The following PTPN21 variants were observed in gnomAD, a reference collection of about 807,000 sequenced individuals.
PTPN21 encodes tyrosine-protein phosphatase non-receptor type 21.
Under a neutral mutation model 131.8 loss-of-function variants are expected in PTPN21, and 77 were observed. The observed-to-expected ratio is 0.58, with a 90% CI of 0.49 to 0.71. The LOEUF (loss-of-function observed/expected upper bound fraction) is 0.71. Ranked by LOEUF, PTPN21 falls within the 30% of genes least tolerant of loss-of-function variation. The pLI is 0.00. For synonymous variants in PTPN21, 715 were observed against 621.3 expected (o/e 1.15, Z -2.24); for missense variants, 1,552 against 1,527.1 (o/e 1.02, Z -0.27).
intron 2 of PTPN21, among the ~76,000 whole-genome samples, chr14:88,521,386 T>C (rs1240689110): frequency 2.0e-5 from 3 of 152,026 alleles, no homozygotes; most frequent in South Asian, 2.1e-4. Context: ...CTAAAACTGT[T>C]TTGGTAAGTT....
chr14:88,487,923 G>A (rs901855633), intron 10 of PTPN21, among the ~76,000 whole-genome samples: 7 of 139,054 alleles, frequency 5.0e-5, no homozygotes, highest in Admixed American at 3.1e-4. Context: ...CCGAGATCAC[G>A]CCACTGCACT....
intron 10 of PTPN21, chr14:88,493,090 A>G (rs2077849059): frequency 2.2e-6 from 1 of 456,524 alleles, no homozygotes; most frequent in Non-Finnish European, 4.4e-6. Flanking sequence ...AGGGCAAGAC[A>G]TTTCACTTCT....
chr14:88,517,866 T>C (rs544629197), intron 2 of PTPN21, among the ~76,000 whole-genome samples: 161 of 147,210 alleles, frequency 1.1e-3, no homozygotes, highest in Middle Eastern at 7.3e-3. Context: ...TATATGTGTA[T>C]ATGTGTATAT....
intron 1 of PTPN21, among the ~76,000 whole-genome samples, chr14:88,550,919 C>G (rs1308425468): frequency 6.6e-6 from 1 of 152,140 alleles, no homozygotes; most frequent in African/African-American, 2.4e-5. Flanking sequence ...TAATTGTGAT[C>G]CTCTTCCTAT....
chr14:88,529,196 G>A (rs950740952), intron 2 of PTPN21, among the ~76,000 whole-genome samples: 2 of 152,096 alleles, frequency 1.3e-5, no homozygotes, highest in Admixed American at 6.6e-5. Flanking sequence ...AGGAATGCTG[G>A]ATTTTGTTAA....
In PTPN21 at chr14:88,480,019, G is replaced by A. The variant is rs1468226640; in HGVS notation, c.1412C>T (p.Ser471Leu). ...GCTGCCGATGTTGAGGTTTCGCAGC[G>A]AGTGGCTCTGCCGTTCCGCATGCAC... ...GLVHAERQSH[S>L]LRNLNIGSSY... The change falls in exon 13 of 19, where the codon TCG (serine) becomes TTG (leucine). Residue 471 changes from serine to leucine, a missense_variant. Physicochemically the swap from Ser to Leu is moderately radical, Grantham distance 145. Transcript: ENST00000556564. 6.2e-7 allele frequency: 1 copy of A among 1,613,616 alleles called. No individual in the cohort carries two copies. The highest frequency in any genetic ancestry group is 8.5e-7 in the Non-Finnish European group (1 of 1,180,030).
chr14:88,516,590 T>A (rs1488911355), intron 3 of PTPN21, among the ~76,000 whole-genome samples: 4 of 152,134 alleles, frequency 2.6e-5, no homozygotes, highest in African/African-American at 9.7e-5. Context: ...CTTTTGTCCC[T>A]ATTAAGTGCA....
chr14:88,550,503 C>CCT lies in PTPN21; in HGVS notation c.-88_-87dup. On this transcript the variant is annotated 5_prime_UTR_variant, in exon 2 of 19. Transcript: ENST00000556564. ...GCTGGTGACGCCAGGAGAAAGCGATCCTCTCCGGATGGGACGAACACTGTC... is the reference window on the plus strand; with the variant it reads ...GCTGGTGACGCCAGGAGAAAGCGATCCTCTCTCCGGATGGGACGAACACTGTC... 3 of 1,332,676 alleles carry CCT rather than the reference C, an allele frequency of 2.3e-6. No individual in the cohort carries two copies. The highest frequency in any genetic ancestry group is 2.1e-6 in the Non-Finnish European group (2 of 963,702). The allele number at this position is 1,332,676 out of a possible 1,614,324, so 82.6% of individuals were successfully genotyped here. A position where few individuals can be genotyped will look rare whatever the true frequency, so the allele number is the denominator to read the frequency against.
intron 13 of PTPN21, among the ~76,000 whole-genome samples, chr14:88,476,989 T>C (rs1476575824): frequency 1.3e-5 from 2 of 152,172 alleles, no homozygotes; most frequent in Non-Finnish European, 2.9e-5. Context: ...TGTACTCAGA[T>C]AGCATTTGGG....
Position 88,501,981 on chromosome 14 carries a change from A to C in PTPN21, c.588-613T>G, listed in dbSNP as rs565585171. 1.1e-3 allele frequency among the ~76,000 whole-genome samples: 174 copies of C among 152,254 alleles called. 4 individuals are homozygous for C. Among genetic ancestry groups the C allele is most frequent in the African/African-American group, 3.9e-3 (164 of 41,552 alleles). On this transcript the variant is annotated intron_variant, in intron 6 of 18. Coordinates refer to ENST00000556564, the MANE Select transcript of PTPN21 (RefSeq NM_007039.4). ...GTCTGGGCAACAAAAAAACAAAAAA[A>C]AACAAAAATAAAAACAACAAAATAT...
chr14:88,537,176 AATT>A, intron 2 of PTPN21, among the ~76,000 whole-genome samples: 1 of 152,306 alleles, frequency 6.6e-6, no homozygotes, highest in Non-Finnish European at 1.5e-5. Flanking sequence ...TGACCTTCTA[AATT>A]ATTCTGAAAT....
chr14:88,496,158 T>C (rs2077911727), intron 10 of PTPN21, among the ~76,000 whole-genome samples: 1 of 152,206 alleles, frequency 6.6e-6, no homozygotes, highest in Non-Finnish European at 1.5e-5. Flanking sequence ...AGAGGATTGA[T>C]TTAAACAAAT....
At chr14:88,505,114 T>C (rs1056681180) in intron 5 of PTPN21, among the ~76,000 whole-genome samples, 190 bp downstream of exon 5, 2 of 152,180 alleles carry the variant, frequency 1.3e-5, no homozygotes, top group African/African-American at 4.8e-5. Context: ...TCAGTTTCTG[T>C]GGGTTCACAA....
intron 6 of PTPN21, among the ~76,000 whole-genome samples, chr14:88,501,921 G>A (rs59136503): frequency 0.23 from 34,506 of 151,708 alleles, 4,098 homozygotes; most frequent in East Asian, 0.32. Flanking sequence ...GGAGTTCAAG[G>A]ATGCAGTGAG....
chr14:88,518,651 G>A (rs1316582096), intron 2 of PTPN21, among the ~76,000 whole-genome samples: 3 of 150,054 alleles, frequency 2.0e-5, no homozygotes, highest in African/African-American at 4.9e-5. Flanking sequence ...GGCTGGTCTC[G>A]AACTCCTGAC....
At position 88,501,466 on chromosome 14, in the gene PTPN21, A is replaced by G. The variant is rs1595374298; in HGVS notation, c.588-98T>C. On this transcript the variant is annotated intron_variant, in intron 6 of 18. Coordinates refer to ENST00000556564, the MANE Select transcript of PTPN21 (RefSeq NM_007039.4). ...CCTATATGTCAATTTAGCATAAGAC[A>G]TTATAAACATTTCACGTTTCTAAGC... The G allele has an allele frequency of 2.1e-5, 21 of 1,019,732 alleles. No individual in the cohort carries two copies. In the East Asian group the frequency reaches 5.0e-4, roughly 24 times the overall value. The allele number at this position is 1,019,732 out of a possible 1,614,324, so 63.2% of individuals were successfully genotyped here. A position where few individuals can be genotyped will look rare whatever the true frequency, so the allele number is the denominator to read the frequency against.
intron 2 of PTPN21, among the ~76,000 whole-genome samples, chr14:88,540,608 T>C (rs896171096): frequency 6.6e-6 from 1 of 152,246 alleles, no homozygotes; most frequent in African/African-American, 2.4e-5. Context: ...GAGGTTCATT[T>C]GACAAGTCAA....
chr14:88,468,672 A>G (rs890638679), intron 18 of PTPN21, among the ~76,000 whole-genome samples: 1 of 151,880 alleles, frequency 6.6e-6, no homozygotes, highest in Non-Finnish European at 1.5e-5. Flanking sequence ...AATTTGAAAA[A>G]CCCTGGGCAA....
intron 10 of PTPN21, among the ~76,000 whole-genome samples, chr14:88,488,902 T>A (rs1449359743): frequency 2.0e-5 from 3 of 152,226 alleles, no homozygotes; most frequent in Non-Finnish European, 4.4e-5. Flanking sequence ...TGCTAAGGAC[T>A]GTACATGATT....
Sources: allele counts gnomAD v4.1 joint callset (sites outside exome capture counted in the v4.1 genomes callset), GRCh38; gene constraint gnomAD v4.1.1; transcripts MANE v1.5; gene names NCBI Gene and HGNC (gene_info 2026-07-23, HGNC 2026-07-21).